The following JAZF1 variants were observed in gnomAD, a reference collection of about 807,000 sequenced individuals.
JAZF1 encodes the protein juxtaposed with another zinc finger protein 1.
JAZF1 carries 8 observed loss-of-function variants against 26.4 expected under a neutral mutation model. The ratio of observed to expected loss-of-function variants is 0.30; its 90% CI spans 0.18 to 0.55. JAZF1 has a LOEUF of 0.55. JAZF1 is among the 20% of genes least tolerant of loss of function. The pLI is 0.94. For synonymous variants in JAZF1, 126 were observed against 122.3 expected (o/e 1.03, Z -0.20); for missense variants, 199 against 322.0 (o/e 0.62, Z 2.92).
chr7:28,054,753 C>A (rs1377944441), intron 1 of JAZF1, among the ~76,000 whole-genome samples: 1 of 152,064 alleles, frequency 6.6e-6, no homozygotes, highest in Non-Finnish European at 1.5e-5. Flanking sequence ...CGCTGGTAGA[C>A]ACAGTCTGCC....
chr7:27,948,206 G>A (rs1037838165), intron 2 of JAZF1, among the ~76,000 whole-genome samples: 2 of 152,108 alleles, frequency 1.3e-5, no homozygotes, highest in Admixed American at 1.3e-4. Flanking sequence ...GGGCTTTACT[G>A]TGGGAGATTT....
chr7:27,959,485 G>C (rs538232922), intron 2 of JAZF1, among the ~76,000 whole-genome samples: 10 of 152,188 alleles, frequency 6.6e-5, no homozygotes, highest in Non-Finnish European at 1.3e-4. Context: ...AAGTTTCCAT[G>C]TTTGTCATCT....
chr7:28,070,044 G>A (rs1400522681), intron 1 of JAZF1, among the ~76,000 whole-genome samples: 1 of 152,150 alleles, frequency 6.6e-6, no homozygotes, highest in African/African-American at 2.4e-5. Flanking sequence ...AACGTCTTCA[G>A]ATGTGGAGAG....
Position 27,840,596 on chromosome 7 carries a change from C to A in JAZF1, c.555+102G>T, listed in dbSNP as rs778314422. The A allele has an allele frequency of 2.5e-6, 3 of 1,217,130 alleles. No homozygotes were observed. The African/African-American group carries it at 4.5e-5, about 18-fold the overall frequency. 75.4% of individuals were successfully genotyped at this position (1,217,130 alleles called of 1,614,324 possible). A position where few individuals can be genotyped will look rare whatever the true frequency, so the allele number is the denominator to read the frequency against. ...ATGCAGGAGAGGGGAGTGTCTCCCC[C>A]CAGCCCATACGCTCGCTTTAAAATC... On this transcript the variant is annotated intron_variant, in intron 4 of 4. Coordinates refer to ENST00000283928, the MANE Select transcript of JAZF1 (RefSeq NM_175061.4). This position sits in a 1 kb window ranked among gnomAD's most constrained non-coding sequence, Gnocchi z 5.1.
intron 2 of JAZF1, among the ~76,000 whole-genome samples, chr7:27,953,453 A>G (rs1785042770): frequency 6.6e-6 from 1 of 152,238 alleles, no homozygotes; most frequent in Non-Finnish European, 1.5e-5. Flanking sequence ...TGACAAATCT[A>G]GCCCTCTGAC....
Position 28,115,309 on chromosome 7 carries a change from A to G in JAZF1, c.115+65154T>C, listed in dbSNP as rs181768571. ...CCTCAAACACAAACTACTATCTTTC[A>G]CCATGTAATCAAGAGTTTTAAAATT... On this transcript the variant is annotated intron_variant, in intron 1 of 4. Coordinates refer to ENST00000283928, the MANE Select transcript of JAZF1 (RefSeq NM_175061.4). Among the ~76,000 whole-genome samples, 4 of 152,344 alleles carry G rather than the reference A, an allele frequency of 2.6e-5. No homozygotes were observed. The East Asian group carries it at 7.7e-4, about 29-fold the overall frequency.
chr7:27,999,608 AT>A (rs1786091823), intron 1 of JAZF1, among the ~76,000 whole-genome samples: 1 of 152,208 alleles, frequency 6.6e-6, no homozygotes, highest in Non-Finnish European at 1.5e-5. Flanking sequence ...TTCAGCATGC[AT>A]TGTACCATAT....
chr7:27,923,572 G>A (rs1293962856), intron 2 of JAZF1, among the ~76,000 whole-genome samples: 1 of 152,216 alleles, frequency 6.6e-6, no homozygotes, highest in African/African-American at 2.4e-5. Context: ...CCCAGCAGAT[G>A]TTGGGCTGCC....
At chr7:27,886,073 G>A (rs1372431955) in intron 3 of JAZF1, among the ~76,000 whole-genome samples, 1 of 152,198 alleles carries the variant, frequency 6.6e-6, no homozygotes, top group Non-Finnish European at 1.5e-5. Flanking sequence ...TATCTTGAAA[G>A]CAGAGCGGGG....
chr7:28,050,288 A>C (rs781336816), intron 1 of JAZF1, among the ~76,000 whole-genome samples: 6 of 152,210 alleles, frequency 3.9e-5, no homozygotes, highest in Non-Finnish European at 5.9e-5. Context: ...CGCAAGGCAA[A>C]TCCATAGAGA....
chr7:27,840,253 C>T lies in JAZF1; in HGVS notation c.555+445G>A, dbSNP rs1782897080. ...GGAAGCTAAATACCCTCCACACTCA[C>T]CAAATGGCTCTGGGAGCCATCTGGG... is the stretch of plus-strand genomic sequence containing the variant. On this transcript the variant is annotated intron_variant, in intron 4 of 4. Transcript: ENST00000283928. The surrounding 1 kb of genome is among the most constrained non-coding windows in gnomAD (Gnocchi z 5.1). 6.6e-6 allele frequency among the ~76,000 whole-genome samples: 1 copy of T among 152,220 alleles called. No homozygotes were observed. Among genetic ancestry groups the T allele is most frequent in the African/African-American group, 2.4e-5 (1 of 41,462 alleles).
chr7:27,887,455 A>G (rs1389881192), intron 3 of JAZF1, among the ~76,000 whole-genome samples: 2 of 152,032 alleles, frequency 1.3e-5, no homozygotes, highest in South Asian at 4.2e-4. Context: ...TCACTCTGTT[A>G]CCCAGCCTGG....
chr7:28,041,399 TATTTTTTAAAAGGTGAC>T (rs1249918934), intron 1 of JAZF1, among the ~76,000 whole-genome samples: 1 of 151,338 alleles, frequency 6.6e-6, no homozygotes, highest in Non-Finnish European at 1.5e-5. Context: ...TGGTATAAGC[TATTTTTTAAAAGGTGAC>T]ATTTTTTAAA....
intron 1 of JAZF1, among the ~76,000 whole-genome samples, chr7:28,143,400 G>A (rs1295810240): frequency 1.3e-5 from 2 of 152,072 alleles, no homozygotes; most frequent in Non-Finnish European, 2.9e-5. Context: ...CTCAAGTACT[G>A]CTTCCAACCA....
chr7:28,099,513 G>A (rs1784436835), intron 1 of JAZF1, among the ~76,000 whole-genome samples: 3 of 151,988 alleles, frequency 2.0e-5, no homozygotes, highest in Non-Finnish European at 4.4e-5. Context: ...TTTCGCTCTT[G>A]TTGCCCAGGC....
At chr7:28,003,989 C>G (rs1782654100) in intron 1 of JAZF1, among the ~76,000 whole-genome samples, 1 of 152,094 alleles carries the variant, frequency 6.6e-6, no homozygotes, top group South Asian at 2.1e-4. Context: ...CATTGAAGGT[C>G]CTCCTGCCTG....
chr7:27,967,759 C>T (rs926762711), intron 2 of JAZF1, among the ~76,000 whole-genome samples: 1 of 152,154 alleles, frequency 6.6e-6, no homozygotes, highest in African/African-American at 2.4e-5. Flanking sequence ...ATAAATTGCT[C>T]TATATACCAC....
intron 2 of JAZF1, among the ~76,000 whole-genome samples, chr7:27,900,803 A>C (rs991169340): frequency 1.1e-4 from 16 of 152,190 alleles, no homozygotes; most frequent in African/African-American, 3.4e-4. Flanking sequence ...TTTTTAATTG[A>C]CCAACACACA....
At chr7:27,991,045 T>C (rs1226470313) in intron 2 of JAZF1, among the ~76,000 whole-genome samples, 1 of 152,178 alleles carries the variant, frequency 6.6e-6, no homozygotes, top group African/African-American at 2.4e-5. Context: ...CAATTAAGTT[T>C]TCTAAAAAGG....
Sources: allele counts gnomAD v4.1 joint callset (sites outside exome capture counted in the v4.1 genomes callset), GRCh38; gene constraint gnomAD v4.1.1; non-coding constraint Gnocchi (gnomAD v3.1); transcripts MANE v1.5; gene names NCBI Gene and HGNC (gene_info 2026-07-23, HGNC 2026-07-21).